The following FIG4 variants were observed in gnomAD, a reference collection of about 807,000 sequenced individuals.
The protein encoded by FIG4 is polyphosphoinositide phosphatase.
FIG4 carries 112 observed loss-of-function variants against 118.6 expected under a neutral mutation model. The ratio of observed to expected loss-of-function variants is 0.94; its 90% CI spans 0.81 to 1.11. FIG4 has a LOEUF of 1.11. Ranked by LOEUF, FIG4 falls within the 50% of genes least tolerant of loss-of-function variation. The pLI, the probability that FIG4 is intolerant of heterozygous loss-of-function variation, is 0.00. For synonymous variants in FIG4, 369 were observed against 381.2 expected (o/e 0.97, Z 0.37); for missense variants, 969 against 1,111.7 (o/e 0.87, Z 1.83).
intron 3 of FIG4, among the ~76,000 whole-genome samples, chr6:109,722,053 A>G (rs1239827925): frequency 6.6e-6 from 1 of 152,142 alleles, no homozygotes; most frequent in African/African-American, 2.4e-5. Context: ...ATTACATTCC[A>G]TTTTTAAGTT....
rs549249070 is a variant in FIG4 at position 109,751,749 on chromosome 6, T to A, written c.1137+7977T>A. ...GGTGGTATTTTGTATTTCTGTGGGA[T>A]CAGTGATGATCTACCCTTTAACATT... On this transcript the variant is annotated intron_variant, in intron 10 of 22. Coordinates refer to ENST00000230124, the MANE Select transcript of FIG4 (RefSeq NM_014845.6). 2.0e-5 allele frequency among the ~76,000 whole-genome samples: 3 copies of A among 152,054 alleles called. No individual in the cohort carries two copies. In the South Asian group the frequency reaches 6.2e-4, roughly 31 times the overall value.
At chr6:109,762,894 A>G (rs926440345) in intron 12 of FIG4, among the ~76,000 whole-genome samples, 5 of 152,176 alleles carry the variant, frequency 3.3e-5, no homozygotes, top group African/African-American at 1.2e-4. Context: ...TATTCTGGCT[A>G]TAATTTATTA....
chr6:109,782,824 T>A (rs1777844792), intron 16 of FIG4, among the ~76,000 whole-genome samples: 1 of 152,226 alleles, frequency 6.6e-6, no homozygotes, highest in Non-Finnish European at 1.5e-5. Context: ...TGAATAGATG[T>A]GAATTCAGAG....
intron 22 of FIG4, among the ~76,000 whole-genome samples, chr6:109,818,862 T>C (rs1778931487): frequency 6.6e-6 from 1 of 152,200 alleles, no homozygotes. Flanking sequence ...AGAACCTAAA[T>C]TGCATTCTGA....
rs775015373 is a variant in FIG4 at position 109,776,978 on chromosome 6, G to GGGAA, written c.1808_1811dup (p.Pro605GlufsTer45). The GGGAA allele has an allele frequency of 1.9e-6, 3 of 1,613,344 alleles. No homozygotes were observed. Among genetic ancestry groups the GGGAA allele is most frequent in the Non-Finnish European group, 2.5e-6 (3 of 1,179,372 alleles). On this transcript the variant is annotated frameshift_variant, in exon 16 of 23. Transcript: ENST00000230124. LOFTEE classifies it high-confidence loss of function. Reference sequence around the variant, plus strand: ...CCTGGGAGTTTTCCATCCCACTGAAGGGAAACCTCATCTCTGGGAGCTCCC... The same window carrying GGGAA: ...CCTGGGAGTTTTCCATCCCACTGAAGGGAAGGAAACCTCATCTCTGGGAGCTCCC...
rs1198567539 is a variant in FIG4 at position 109,751,952 on chromosome 6, A to C, written c.1137+8180A>C. Among the ~76,000 whole-genome samples, 4 of 148,188 alleles carry C rather than the reference A, an allele frequency of 2.7e-5. No individual in the cohort carries two copies. In the East Asian group the frequency reaches 8.2e-4, roughly 30 times the overall value. On this transcript the variant is annotated intron_variant, in intron 10 of 22. Coordinates refer to ENST00000230124, the MANE Select transcript of FIG4 (RefSeq NM_014845.6). Reference sequence around the variant, plus strand: ...TGCTGCACCCATTAACTCGTCGTTTAGCATTAGGTATATCTCCTAATGCTA... The same window carrying C: ...TGCTGCACCCATTAACTCGTCGTTTCGCATTAGGTATATCTCCTAATGCTA...
chr6:109,710,902 T>G (rs139271202), intron 1 of FIG4, among the ~76,000 whole-genome samples: 71 of 128,830 alleles, frequency 5.5e-4, no homozygotes, highest in African/African-American at 1.9e-3. Flanking sequence ...TATACTTTAT[T>G]AGTTTTTAAA....
chr6:109,761,749 T>C (rs950007083), intron 11 of FIG4, among the ~76,000 whole-genome samples: 1 of 152,212 alleles, frequency 6.6e-6, no homozygotes, highest in African/African-American at 2.4e-5. Context: ...GGTGCTCTTT[T>C]CACAGCCGTT....
intron 15 of FIG4, among the ~76,000 whole-genome samples, 197 bp from the exon 16 acceptor site, chr6:109,776,725 G>A (rs1235479395): frequency 6.6e-6 from 1 of 152,186 alleles, no homozygotes; most frequent in African/African-American, 2.4e-5. Flanking sequence ...ATGGAACAAA[G>A]AGGAAACATT....
intron 16 of FIG4, among the ~76,000 whole-genome samples, chr6:109,779,813 G>A (rs1297234249): frequency 2.0e-5 from 3 of 152,214 alleles, no homozygotes; most frequent in Non-Finnish European, 2.9e-5. Context: ...AACAGGACAA[G>A]AGCACAGAGC....
intron 22 of FIG4, among the ~76,000 whole-genome samples, chr6:109,811,441 C>T (rs1274353601): frequency 1.3e-5 from 2 of 152,164 alleles, no homozygotes; most frequent in Non-Finnish European, 1.5e-5. Flanking sequence ...GAATAAAGGT[C>T]ATTTAAAGAT....
chr6:109,730,375 T>TC (rs1775960104), intron 4 of FIG4, among the ~76,000 whole-genome samples: 1 of 152,114 alleles, frequency 6.6e-6, no homozygotes, highest in Non-Finnish European at 1.5e-5. Context: ...GTAACATTGA[T>TC]CCAGATTCCA....
intron 16 of FIG4, 59 bp from the exon 17 acceptor site, chr6:109,784,911 A>C: frequency 1.1e-6 from 1 of 891,144 alleles, no homozygotes; most frequent in Non-Finnish European, 1.8e-6. Flanking sequence ...TATCCAGTAA[A>C]TTTTAGAAAA....
intron 10 of FIG4, among the ~76,000 whole-genome samples, chr6:109,757,640 G>T (rs571679346): frequency 3.9e-5 from 6 of 152,248 alleles, no homozygotes; most frequent in Admixed American, 1.3e-4. Flanking sequence ...AAGAAATAAG[G>T]GGTATTCAGA....
intron 1 of FIG4, among the ~76,000 whole-genome samples, chr6:109,710,349 C>T (rs962096288): frequency 2.6e-5 from 4 of 152,106 alleles, no homozygotes; most frequent in African/African-American, 7.2e-5. Context: ...CTGCTGGATT[C>T]GATTTGCCAG....
intron 10 of FIG4, among the ~76,000 whole-genome samples, chr6:109,752,238 C>T (rs1394634199): frequency 1.3e-5 from 2 of 151,536 alleles, no homozygotes; most frequent in African/African-American, 2.4e-5. Context: ...CAGTCTATCA[C>T]TGTTGGACAT....
intron 22 of FIG4, among the ~76,000 whole-genome samples, chr6:109,815,714 A>AT (rs1778844714): frequency 6.6e-6 from 1 of 151,554 alleles, no homozygotes; most frequent in Admixed American, 6.6e-5. Context: ...TGAATTTTTC[A>AT]TTTTTTCTGT....
rs896444437 is a variant in FIG4 at position 109,786,292 on chromosome 6, T to G, written c.1949-10T>G. 7.5e-6 allele frequency: 12 copies of G among 1,607,568 alleles called. No homozygotes were observed. Among genetic ancestry groups the G allele is most frequent in the Non-Finnish European group, 1.0e-5 (12 of 1,174,608 alleles). On this transcript the variant is annotated splice_polypyrimidine_tract_variant and intron_variant, in intron 17 of 22. Coordinates refer to ENST00000230124, the MANE Select transcript of FIG4 (RefSeq NM_014845.6). ...CAGACTTTTAGAGTAACATGCAGTATCTCTCTTAGTTATCTGTGCTGTGAA... is the reference window on the plus strand; with the variant it reads ...CAGACTTTTAGAGTAACATGCAGTAGCTCTCTTAGTTATCTGTGCTGTGAA...
intron 16 of FIG4, among the ~76,000 whole-genome samples, chr6:109,779,024 A>T (rs576865917): frequency 6.6e-6 from 1 of 152,200 alleles, no homozygotes; most frequent in South Asian, 2.1e-4. Flanking sequence ...CCAACTTAAT[A>T]CTTGAGCTTA....
Sources: gnomAD v4.1 joint callset for allele counts (sites outside exome capture counted in the v4.1 genomes callset) on GRCh38, gnomAD v4.1.1 for gene constraint, MANE v1.5 for transcripts, NCBI Gene and HGNC (gene_info 2026-07-23, HGNC 2026-07-21) for gene names.